MCOLN2: variants seen among roughly 807,000 people sequenced by gnomAD.
MCOLN2 encodes the protein mucolipin TRP cation channel 2, also known as mucolipin-2.
In MCOLN2, 57 loss-of-function variants were observed where a neutral mutation model predicts 67.5. That is an observed-to-expected ratio of 0.84 (90% CI 0.68 to 1.05). The LOEUF (loss-of-function observed/expected upper bound fraction) is 1.05. Among genes scored for constraint, MCOLN2 ranks in the 50% least tolerant of loss-of-function variants. MCOLN2 has a pLI of 0.00. For synonymous variants in MCOLN2, 246 were observed against 233.3 expected, an observed-to-expected ratio of 1.05 and a Z score of -0.50; for missense variants, 620 against 678.8, an observed-to-expected ratio of 0.91 and a Z score of 0.96.
intron 2 of MCOLN2, among the ~76,000 whole-genome samples, chr1:84,961,847 G>A (rs1276186988): frequency 2.0e-5 from 3 of 152,110 alleles, no homozygotes; most frequent in East Asian, 3.8e-4. Context: ...TTCTGTACCA[G>A]GTAAAAACAA....
chr1:84,956,743 T>G (rs1648816981), intron 3 of MCOLN2, among the ~76,000 whole-genome samples, 159 bp from the exon 4 acceptor site: 1 of 152,162 alleles, frequency 6.6e-6, no homozygotes, highest in Non-Finnish European at 1.5e-5. Flanking sequence ...ATCTTCTCAG[T>G]TTGTTCAGCA....
At chr1:84,974,930 C>CA (rs1649921202) in intron 1 of MCOLN2, among the ~76,000 whole-genome samples, 2 of 152,240 alleles carry the variant, frequency 1.3e-5, no homozygotes, top group South Asian at 4.1e-4. Flanking sequence ...TGGTGATGAC[C>CA]ATGGGGAAGG....
chr1:84,987,453 TAC>T (rs1491367679), intron 1 of MCOLN2, among the ~76,000 whole-genome samples: 6 of 126,288 alleles, frequency 4.8e-5, no homozygotes, highest in South Asian at 2.4e-4. Flanking sequence ...TATACATATA[TAC>T]ATATATGTAT....
chr1:84,956,335 A>C, intron 4 of MCOLN2, 96 bp downstream of exon 4: 3 of 1,304,248 alleles, frequency 2.3e-6, no homozygotes, highest in Non-Finnish European at 3.2e-6. Flanking sequence ...CTCTCACCAA[A>C]GCAAAGTTTT....
At chr1:84,929,493 G>A in intron 13 of MCOLN2, 65 bp downstream of exon 13, 2 of 1,472,862 alleles carry the variant, frequency 1.4e-6, no homozygotes, top group Non-Finnish European at 1.8e-6. Flanking sequence ...AATCTTGGAG[G>A]GGCTCTTTCT....
At chr1:84,929,837 C>A in intron 12 of MCOLN2, 158 bp from the exon 13 acceptor site, 1 of 577,622 alleles carries the variant, frequency 1.7e-6, no homozygotes, top group Non-Finnish European at 2.8e-6. Flanking sequence ...ATCTGTCAGT[C>A]CCAGAACACC....
intron 3 of MCOLN2, 99 bp downstream of exon 3, chr1:84,958,430 G>T: frequency 1.0e-6 from 1 of 952,942 alleles, no homozygotes; most frequent in Non-Finnish European, 1.5e-6. Context: ...ACTTACATTA[G>T]AATATTTTAA....
chr1:84,952,914 C>T (rs1457794270), intron 4 of MCOLN2, among the ~76,000 whole-genome samples: 1 of 152,106 alleles, frequency 6.6e-6, no homozygotes, highest in Non-Finnish European at 1.5e-5. Context: ...GTATCAAGAT[C>T]ATAAAAGTTA....
chr1:84,985,612 T>C, intron 1 of MCOLN2, among the ~76,000 whole-genome samples: 1 of 152,172 alleles, frequency 6.6e-6, no homozygotes. Context: ...AAAGCAGTGA[T>C]CTGTACACAC....
At chr1:84,942,140 T>C (rs2102818451) in intron 7 of MCOLN2, among the ~76,000 whole-genome samples, 1 of 152,258 alleles carries the variant, frequency 6.6e-6, no homozygotes, top group East Asian at 1.9e-4. Flanking sequence ...AAATGAAAAA[T>C]CTCCCATCTC....
chr1:84,948,511 T>G (rs565813571), intron 6 of MCOLN2, among the ~76,000 whole-genome samples: 1 of 152,222 alleles, frequency 6.6e-6, no homozygotes, highest in South Asian at 2.1e-4. Context: ...GATAACAATG[T>G]AGGGACACAA....
At chr1:84,959,494 A>C (rs1486970366) in intron 2 of MCOLN2, among the ~76,000 whole-genome samples, 1 of 152,062 alleles carries the variant, frequency 6.6e-6, no homozygotes, top group Non-Finnish European at 1.5e-5. Context: ...TCAGCACCAA[A>C]AGTTTACACA....
At chr1:84,943,806 A>G (rs529546141) in intron 7 of MCOLN2, among the ~76,000 whole-genome samples, 24 of 152,238 alleles carry the variant, frequency 1.6e-4, no homozygotes, top group Non-Finnish European at 2.9e-4. Context: ...CAGGTGGAAC[A>G]GTCTGTGTGA....
chr1:84,939,770 C>A (rs940155229), intron 8 of MCOLN2, 68 bp from the exon 9 acceptor site: 43 of 1,523,896 alleles, frequency 2.8e-5, no homozygotes, highest in African/African-American at 6.9e-5. Flanking sequence ...AAGGCAAGTG[C>A]AAAACAGTGC....
intron 11 of MCOLN2, among the ~76,000 whole-genome samples, chr1:84,935,296 G>A (rs986683284): frequency 6.6e-6 from 1 of 152,216 alleles, no homozygotes; most frequent in Non-Finnish European, 1.5e-5. Context: ...AATTAACTCA[G>A]CTGTGTATTT....
At chr1:84,942,561 G>T (rs146358966) in intron 7 of MCOLN2, among the ~76,000 whole-genome samples, 1 of 150,786 alleles carries the variant, frequency 6.6e-6, no homozygotes, top group African/African-American at 2.4e-5. Context: ...ACTTACAGTG[G>T]TTACTATTTT....
intron 1 of MCOLN2, among the ~76,000 whole-genome samples, chr1:84,980,657 C>A (rs572291213): frequency 6.6e-6 from 1 of 152,246 alleles, no homozygotes; most frequent in African/African-American, 2.4e-5. Context: ...CTATCTATCA[C>A]CATATACAAA....
intron 1 of MCOLN2, among the ~76,000 whole-genome samples, chr1:84,987,295 T>C (rs1420874510): frequency 6.9e-6 from 1 of 145,572 alleles, no homozygotes; most frequent in Non-Finnish European, 1.5e-5. Flanking sequence ...ACATATGCCA[T>C]GTAGATACAT....
At chr1:84,955,671 C>T (rs529828854) in intron 4 of MCOLN2, among the ~76,000 whole-genome samples, 3 of 152,160 alleles carry the variant, frequency 2.0e-5, no homozygotes, top group African/African-American at 4.8e-5. Context: ...GGCAGGGGCT[C>T]GTAGAGGCAA....
Sources: gnomAD v4.1 joint callset for allele counts (sites outside exome capture counted in the v4.1 genomes callset) on GRCh38, gnomAD v4.1.1 for gene constraint, MANE v1.5 for transcripts, NCBI Gene and HGNC (gene_info 2026-07-23, HGNC 2026-07-21) for gene names.